SPTBN4: variants seen among roughly 807,000 people sequenced by gnomAD.
SPTBN4 encodes the protein spectrin beta, non-erythrocytic 4, also known as spectrin beta chain, non-erythrocytic 4.
SPTBN4 carries 96 observed loss-of-function variants against 277.8 expected under a neutral mutation model. That is an observed-to-expected ratio of 0.35 (90% confidence interval 0.29 to 0.41). The LOEUF (loss-of-function observed/expected upper bound fraction) is 0.41, where lower values mean the gene tolerates loss of function less well. Ranked by LOEUF, SPTBN4 falls within the 10% of genes least tolerant of loss-of-function variation. The pLI is 1.00. For missense variants in SPTBN4, 3,006 were observed against 3,595.7 expected, an observed-to-expected ratio of 0.84 and a Z score of 4.19; for synonymous variants, 1,481 against 1,580.3, an observed-to-expected ratio of 0.94 and a Z score of 1.49.
rs1599821360 is a variant in SPTBN4 at position 40,567,841 on chromosome 19, T to G, written c.6515T>G (p.Val2172Gly). The change falls in exon 31 of 36, where the codon GTG (valine) becomes GGG (glycine). Residue 2172 changes from valine (V) to glycine (G), a missense_variant. Coordinates refer to ENST00000598249, the MANE Select transcript of SPTBN4 (RefSeq NM_020971.3). Reference sequence around the variant, plus strand: ...GCCTCGGACACGCTCTCGGCCGAGGTGCGGACTCGGGTGGGGTATGTGCGC... The same window carrying G: ...GCCTCGGACACGCTCTCGGCCGAGGGGCGGACTCGGGTGGGGTATGTGCGC... ...RRASDTLSAE[V>G]RTRVGYVRQE... 6.6e-7 allele frequency: 1 copy of G among 1,522,954 alleles called. No individual in the cohort carries two copies. Among genetic ancestry groups the G allele is most frequent in the Non-Finnish European group, 8.8e-7 (1 of 1,135,060 alleles). 94.3% of individuals were successfully genotyped at this position (1,522,954 alleles called of 1,614,324 possible).
At chr19:40,553,165 A>G (rs2080937347) in intron 22 of SPTBN4, among the ~76,000 whole-genome samples, 1 of 152,238 alleles carries the variant, frequency 6.6e-6, no homozygotes, top group Admixed American at 6.5e-5. Flanking sequence ...CCTGGCAGGT[A>G]GCAGGGTAGC....
At position 40,560,925 on chromosome 19, in the gene SPTBN4, G is replaced by C. The variant is rs1314983735; in HGVS notation, c.5915+522G>C. Among the ~76,000 whole-genome samples, 2 of 151,450 alleles carry C rather than the reference G, an allele frequency of 1.3e-5. No homozygotes were observed. The highest frequency in any genetic ancestry group is 3.9e-4 in the East Asian group (2 of 5,146). On this transcript the variant is annotated intron_variant, in intron 27 of 35. Transcript: ENST00000598249. This position sits in a 1 kb window ranked among gnomAD's most constrained non-coding sequence, Gnocchi z 5.2. ...ATCCCGCTGCAGATGGGAAAAGATA[G>C]CAGGAGGATCACACAGAAGGTTTTA...
intron 17 of SPTBN4, among the ~76,000 whole-genome samples, chr19:40,523,872 C>T (rs886285926): frequency 4.6e-5 from 7 of 152,074 alleles, no homozygotes; most frequent in African/African-American, 1.2e-4. Context: ...AGCACGATCT[C>T]GGCTCACTGC....
chr19:40,566,081 G>A (rs899204413), intron 29 of SPTBN4, 82 bp from the exon 30 acceptor site: 3 of 1,390,988 alleles, frequency 2.2e-6, no homozygotes, highest in African/African-American at 2.9e-5. Context: ...CCGGAGGGGT[G>A]TGGAAGGCCA....
intron 1 of SPTBN4, among the ~76,000 whole-genome samples, chr19:40,468,141 G>A (rs1429850176): frequency 1.3e-5 from 2 of 151,332 alleles, no homozygotes; most frequent in East Asian, 1.9e-4. Flanking sequence ...GTAATGGCGC[G>A]ATCTTGGCTC....
chr19:40,512,098 G>A (rs989652053), intron 13 of SPTBN4, among the ~76,000 whole-genome samples: 1 of 152,174 alleles, frequency 6.6e-6, no homozygotes, highest in African/African-American at 2.4e-5. Flanking sequence ...ACTCCAGCCT[G>A]GGCAACAGAG....
chr19:40,478,527 C>T (rs889675548), intron 2 of SPTBN4, among the ~76,000 whole-genome samples: 4 of 152,022 alleles, frequency 2.6e-5, no homozygotes, highest in African/African-American at 9.7e-5. Context: ...AGAGTGAGAT[C>T]CCACCTTAAG....
At chr19:40,475,769 C>T (rs2079940153) in intron 2 of SPTBN4, among the ~76,000 whole-genome samples, 1 of 150,754 alleles carries the variant, frequency 6.6e-6, no homozygotes, top group Admixed American at 6.6e-5. Context: ...CTCAAGAAAC[C>T]TGGCTGATCT....
intron 2 of SPTBN4, among the ~76,000 whole-genome samples, chr19:40,483,705 T>G (rs1002478780): frequency 2.0e-5 from 3 of 152,138 alleles, no homozygotes; most frequent in Non-Finnish European, 4.4e-5. Context: ...GAGGATTTAT[T>G]CCTCTGCCTT....
chr19:40,514,842 C>T (rs1030203204), intron 14 of SPTBN4, among the ~76,000 whole-genome samples: 3 of 151,908 alleles, frequency 2.0e-5, no homozygotes, highest in Non-Finnish European at 4.4e-5. Flanking sequence ...TGGTGGCTCA[C>T]GCCTGTAATC....
At chr19:40,471,369 G>T (rs1351517135) in intron 1 of SPTBN4, among the ~76,000 whole-genome samples, 2 of 152,242 alleles carry the variant, frequency 1.3e-5, no homozygotes, top group African/African-American at 4.8e-5. Context: ...AACTGTTAGG[G>T]AATTAAATTT....
At chr19:40,536,684 C>T (rs1033792263) in intron 20 of SPTBN4, among the ~76,000 whole-genome samples, 1 of 152,170 alleles carries the variant, frequency 6.6e-6, no homozygotes, top group East Asian at 1.9e-4. Flanking sequence ...CATAATGGCT[C>T]ATGCCTGTAT....
chr19:40,467,257 C>A lies in SPTBN4; in HGVS notation c.-64C>A. 2 of 152,018 alleles carry A rather than the reference C, an allele frequency of 1.3e-5. No homozygotes were observed. Among genetic ancestry groups the A allele is most frequent in the South Asian group, 3.6e-4 (2 of 5,486 alleles). The allele number at this position is 152,018 out of a possible 1,614,324, so 9.4% of individuals were successfully genotyped here. A position where few individuals can be genotyped will look rare whatever the true frequency, so the allele number is the denominator to read the frequency against. ...AGCGGACGCCGACAGGGAGGGCGGT[C>A]GGTCGCGGCGAGCAGCGGAGACAGC... On this transcript the variant is annotated 5_prime_UTR_variant, in exon 1 of 36. Coordinates refer to ENST00000598249, the MANE Select transcript of SPTBN4 (RefSeq NM_020971.3).
At chr19:40,557,589 G>C (rs2080996371) in intron 26 of SPTBN4, among the ~76,000 whole-genome samples, 186 bp downstream of exon 26, 1 of 152,202 alleles carries the variant, frequency 6.6e-6, no homozygotes, top group South Asian at 2.1e-4. Context: ...ATGATATATA[G>C]AAATCAGGTA....
At chr19:40,529,169 C>T (rs149477930) in intron 18 of SPTBN4, 38 bp downstream of exon 18, 3 of 1,565,898 alleles carry the variant, frequency 1.9e-6, no homozygotes, top group Non-Finnish European at 2.6e-6. Flanking sequence ...GAGACATCCC[C>T]TTTAGTCGGG....
At chr19:40,506,173 G>C (rs2080327586) in intron 12 of SPTBN4, 63 bp from the exon 13 acceptor site, 30 of 1,546,096 alleles carry the variant, frequency 1.9e-5, no homozygotes, top group Non-Finnish European at 2.5e-5. Context: ...CATAGGCAAT[G>C]GGGGAGAGGT....
intron 16 of SPTBN4, among the ~76,000 whole-genome samples, chr19:40,523,155 T>G (rs2080548361): frequency 1.3e-5 from 2 of 151,908 alleles, no homozygotes; most frequent in Non-Finnish European, 2.9e-5. Context: ...CAAAAAGAAA[T>G]AATACAGGAG....
At chr19:40,574,241 G>C (rs907580215) in intron 35 of SPTBN4, among the ~76,000 whole-genome samples, 27 of 152,234 alleles carry the variant, frequency 1.8e-4, no homozygotes, top group Non-Finnish European at 2.9e-4. Flanking sequence ...ACACAGGCCT[G>C]TGGGGAGAGG....
chr19:40,504,244 A>G, intron 12 of SPTBN4, 112 bp downstream of exon 12: 1 of 1,143,132 alleles, frequency 8.7e-7, no homozygotes, highest in Non-Finnish European at 1.2e-6. Flanking sequence ...CAGAGATAGA[A>G]GAAGATAGAG....
Sources: allele counts gnomAD v4.1 joint callset (sites outside exome capture counted in the v4.1 genomes callset), GRCh38; gene constraint gnomAD v4.1.1; non-coding constraint Gnocchi (gnomAD v3.1); transcripts MANE v1.5; gene names NCBI Gene and HGNC (gene_info 2026-07-23, HGNC 2026-07-21).